Variants in AGBL1 observed in about 807,000 individuals in gnomAD.
The protein encoded by AGBL1 is cytosolic carboxypeptidase 4.
AGBL1 carries 130 observed loss-of-function variants against 118.9 expected under a neutral mutation model. That is an observed-to-expected ratio of 1.09 (90% CI 0.95 to 1.26). The LOEUF is 1.26. Ranked by LOEUF, AGBL1 falls within the 50% of genes most tolerant of loss-of-function variation. AGBL1 has a pLI of 0.00. For missense variants in AGBL1, 1,584 were observed against 1,298.1 expected (o/e 1.22, Z -3.38); for synonymous variants, 555 against 478.9 (o/e 1.16, Z -2.08).
At chr15:86,189,753 A>C (rs2077689341) in intron 5 of AGBL1, among the ~76,000 whole-genome samples, 1 of 152,180 alleles carries the variant, frequency 6.6e-6, no homozygotes, top group Non-Finnish European at 1.5e-5. Flanking sequence ...CTGCAGAACC[A>C]TGAGCAAAAT....
At chr15:86,953,165 C>T (rs1022573692) in intron 23 of AGBL1, among the ~76,000 whole-genome samples, 22 of 152,040 alleles carry the variant, frequency 1.4e-4, no homozygotes, top group African/African-American at 4.6e-4. Context: ...TTTTTGGTTG[C>T]ATGTAATTTT....
At chr15:86,811,436 T>C (rs569529979) in intron 22 of AGBL1, among the ~76,000 whole-genome samples, 1 of 152,300 alleles carries the variant, frequency 6.6e-6, no homozygotes, top group East Asian at 1.9e-4. Flanking sequence ...TACAGCTCTC[T>C]TCCCTGGCCT....
rs558111420 is a variant in AGBL1, at chr15:87,003,286, A to G, written c.3323+15198A>G. On this transcript the variant is annotated intron_variant, in intron 24 of 24. Transcript: ENST00000441037. ...TTTATATGCTGGATTATGTTTCTTGATTTGCGTATGTTGAACCAGTCTTGC... is the reference window on the plus strand; with the variant it reads ...TTTATATGCTGGATTATGTTTCTTGGTTTGCGTATGTTGAACCAGTCTTGC... Among the ~76,000 whole-genome samples, 258 of 151,774 alleles carry G rather than the reference A, an allele frequency of 1.7e-3. 2 individuals carry two copies. The highest frequency in any genetic ancestry group is 5.9e-3 in the African/African-American group (244 of 41,394).
intron 5 of AGBL1, among the ~76,000 whole-genome samples, chr15:86,208,790 T>C (rs1417465670): frequency 6.6e-6 from 1 of 152,218 alleles, no homozygotes; most frequent in Non-Finnish European, 1.5e-5. Flanking sequence ...TCATTGATTT[T>C]TTGAAGGGTT....
intron 21 of AGBL1, among the ~76,000 whole-genome samples, chr15:86,612,408 T>G (rs1352473556): frequency 8.1e-6 from 1 of 123,604 alleles, no homozygotes; most frequent in African/African-American, 3.2e-5. Context: ...CAAAAAAACC[T>G]GAAGAACTAG....
chr15:86,502,864 C>T (rs913644636), intron 18 of AGBL1, among the ~76,000 whole-genome samples: 3 of 151,504 alleles, frequency 2.0e-5, no homozygotes, highest in Admixed American at 1.3e-4. Context: ...TTATCAGGGA[C>T]ACTGTTCTGT....
At chr15:86,722,564 A>T (rs1032669042) in intron 22 of AGBL1, among the ~76,000 whole-genome samples, 2 of 152,128 alleles carry the variant, frequency 1.3e-5, no homozygotes, top group Non-Finnish European at 2.9e-5. Flanking sequence ...CTAGAAGAAA[A>T]CCTAGGCAAT....
chr15:86,909,626 A>G lies in AGBL1; in HGVS notation c.*2332A>G, dbSNP rs372445135. 3.9e-5 allele frequency: 6 copies of G among 152,246 alleles called. No individual in the cohort carries two copies. The highest frequency in any genetic ancestry group is 1.4e-4 in the African/African-American group (6 of 41,468). 9.4% of individuals were successfully genotyped at this position (152,246 alleles called of 1,614,324 possible). ...TTGAAGACTATTAGCAAAGATAATG[A>G]AAGTGAAACCCAAACGCTATATAGC... On this transcript the variant is annotated 3_prime_UTR_variant, in exon 23 of 23. Coordinates refer to ENST00000614907, the MANE Select transcript of AGBL1 (RefSeq NM_001386094.1).
intron 5 of AGBL1, among the ~76,000 whole-genome samples, chr15:86,193,527 C>T (rs1245204154): frequency 2.6e-5 from 4 of 152,156 alleles, no homozygotes; most frequent in African/African-American, 9.7e-5. Context: ...CACCTCTCCA[C>T]TCTTTGTAGC....
intron 22 of AGBL1, among the ~76,000 whole-genome samples, chr15:86,831,895 T>C (rs372396879): frequency 6.6e-6 from 1 of 152,300 alleles, no homozygotes; most frequent in African/African-American, 2.4e-5. Flanking sequence ...ATTCCACCCC[T>C]GTAGCACCCC....
At position 86,257,018 on chromosome 15, in the gene AGBL1, G is replaced by A. The variant is rs539107789; in HGVS notation, c.901G>A (p.Glu301Lys). 2.0e-5 allele frequency: 33 copies of A among 1,612,714 alleles called. No homozygotes were observed. In the African/African-American group the frequency reaches 3.1e-4, roughly 15 times the overall value. ...TGAACCTCCACATGATCTACCTGAAGGTAAAATAAGTTGGTAACTATGACC... is the reference window on the plus strand; with the variant it reads ...TGAACCTCCACATGATCTACCTGAAAGTAAAATAAGTTGGTAACTATGACC... ...TTEPPHDLPE[E>K]DFEDDGDDEV... Residue 301 changes from glutamate (E) to lysine (K), a missense_variant and splice_region_variant, in exon 8 of 23, where the codon GAG (glutamate) becomes AAG (lysine). By Grantham distance (56) the Glu-to-Lys change is moderately conservative. Coordinates refer to ENST00000614907, the MANE Select transcript of AGBL1 (RefSeq NM_001386094.1).
chr15:86,725,088 G>C (rs1205768243), intron 22 of AGBL1, among the ~76,000 whole-genome samples: 1 of 152,236 alleles, frequency 6.6e-6, no homozygotes, highest in Non-Finnish European at 1.5e-5. Context: ...AAAGGAGGTA[G>C]CATTCTTGAA....
At position 86,913,200 on chromosome 15, in the gene AGBL1, T is replaced by TATACAC. The variant is rs956408252; in HGVS notation, c.*5907_*5908insTACACA. The TATACAC allele has an allele frequency of 6.7e-6, 1 of 148,424 alleles. No homozygotes were observed. Among genetic ancestry groups the TATACAC allele is most frequent in the Non-Finnish European group, 1.5e-5 (1 of 66,936 alleles). 9.2% of individuals were successfully genotyped at this position (148,424 alleles called of 1,614,324 possible). On this transcript the variant is annotated 3_prime_UTR_variant, in exon 23 of 23. Transcript: ENST00000614907. ...TTGAGTTCCCCACCACACACACACA[T>TATACAC]ACACACACACACACACACACACACA...
intron 18 of AGBL1, among the ~76,000 whole-genome samples, chr15:86,476,324 T>G (rs112279128): frequency 8.5e-5 from 13 of 152,270 alleles, no homozygotes; most frequent in Non-Finnish European, 1.6e-4. Flanking sequence ...GTGTGCTGTA[T>G]TCAGGAGACC....
intron 22 of AGBL1, among the ~76,000 whole-genome samples, chr15:86,833,473 T>G (rs954051589): frequency 6.6e-6 from 1 of 152,118 alleles, no homozygotes; most frequent in African/African-American, 2.4e-5. Flanking sequence ...CTTTTGCTTC[T>G]TCCTCACTCT....
chr15:86,471,527 A>C (rs1480364781), intron 18 of AGBL1, among the ~76,000 whole-genome samples: 2 of 147,276 alleles, frequency 1.4e-5, no homozygotes, highest in African/African-American at 2.5e-5. Context: ...TAGCTTCCTC[A>C]TCTGGCTTTG....
At chr15:86,106,778 T>C (rs1448381078) in intron 1 of AGBL1, among the ~76,000 whole-genome samples, 2 of 152,232 alleles carry the variant, frequency 1.3e-5, no homozygotes, top group Admixed American at 6.5e-5. Context: ...ATAATTTCTC[T>C]AAGAGAGATA....
chr15:86,740,938 G>T (rs1404636251), intron 22 of AGBL1, among the ~76,000 whole-genome samples: 1 of 152,118 alleles, frequency 6.6e-6, no homozygotes, highest in Non-Finnish European at 1.5e-5. Context: ...AGGATACACA[G>T]TTGACTATAG....
At chr15:86,994,493 T>C (rs1345333274) in intron 24 of AGBL1, among the ~76,000 whole-genome samples, 1 of 152,038 alleles carries the variant, frequency 6.6e-6, no homozygotes, top group Non-Finnish European at 1.5e-5. Flanking sequence ...CATACCACTC[T>C]CCCTCAAGCC....
Sources: gnomAD v4.1 joint callset for allele counts (sites outside exome capture counted in the v4.1 genomes callset) on GRCh38, gnomAD v4.1.1 for gene constraint, MANE v1.5 for transcripts, NCBI Gene and HGNC (gene_info 2026-07-23, HGNC 2026-07-21) for gene names.